CSMD1: variants seen among roughly 807,000 people sequenced by gnomAD.
CSMD1 encodes the protein CUB and Sushi multiple domains 1.
Under a neutral mutation model 417.5 loss-of-function variants are expected in CSMD1, and 213 were observed. The ratio of observed to expected loss-of-function variants is 0.51; its 90% CI spans 0.46 to 0.57. The LOEUF is 0.57. CSMD1 is among the 20% of genes least tolerant of loss of function. The pLI is 0.00. For missense variants in CSMD1, 6,923 were observed against 4,529.7 expected (o/e 1.53, Z -15.17); for synonymous variants, 2,862 against 1,736.8 (o/e 1.65, Z -16.11).
At chr8:4,843,163 T>G (rs1258520525) in intron 1 of CSMD1, among the ~76,000 whole-genome samples, 2 of 152,192 alleles carry the variant, frequency 1.3e-5, no homozygotes, top group Non-Finnish European at 2.9e-5. Flanking sequence ...CCAGTCTTCT[T>G]CCTGGGCAGG....
At chr8:4,805,917 T>A (rs1372215421) in intron 1 of CSMD1, among the ~76,000 whole-genome samples, 1 of 152,172 alleles carries the variant, frequency 6.6e-6, no homozygotes, top group African/African-American at 2.4e-5. Flanking sequence ...CGATGGCTTG[T>A]GGACCTCAGA....
At chr8:3,182,913 G>A (rs1170500564) in intron 36 of CSMD1, 1 of 57,282 alleles carries the variant, frequency 1.7e-5, no homozygotes. Context: ...TAGTAGAGAA[G>A]GGGTTGTTAG....
chr8:3,506,207 T>G (rs1462504192), intron 10 of CSMD1, among the ~76,000 whole-genome samples: 2 of 152,114 alleles, frequency 1.3e-5, no homozygotes, highest in African/African-American at 4.8e-5. Flanking sequence ...GGACGAGCTG[T>G]CAGGGAGACG....
intron 5 of CSMD1, among the ~76,000 whole-genome samples, chr8:3,868,481 C>G (rs1430948099): frequency 6.6e-6 from 1 of 152,094 alleles, no homozygotes; most frequent in Admixed American, 6.5e-5. Flanking sequence ...AAGGGGCTCT[C>G]TCATTCAACA....
intron 5 of CSMD1, among the ~76,000 whole-genome samples, chr8:3,914,713 G>C (rs770560829): frequency 6.6e-6 from 1 of 151,960 alleles, no homozygotes; most frequent in Non-Finnish European, 1.5e-5. Context: ...TTTATTTTTT[G>C]ACTATCCCTT....
chr8:3,158,089 A>T (rs1819646803), intron 38 of CSMD1, 123 bp from the exon 39 acceptor site: 2 of 786,480 alleles, frequency 2.5e-6, no homozygotes, highest in Non-Finnish European at 2.0e-6. Context: ...GAAAATTCAA[A>T]AATTGTGAAA....
At chr8:3,498,860 T>C (rs369838097) in intron 10 of CSMD1, among the ~76,000 whole-genome samples, 1 of 152,224 alleles carries the variant, frequency 6.6e-6, no homozygotes, top group East Asian at 1.9e-4. Flanking sequence ...TTTTGTGTAA[T>C]ATCTCTGTTG....
chr8:4,408,193 T>G (rs528696335), intron 3 of CSMD1, among the ~76,000 whole-genome samples: 1 of 152,364 alleles, frequency 6.6e-6, no homozygotes, highest in African/African-American at 2.4e-5. Context: ...CAAATCAGTG[T>G]TGCAAGTTGA....
intron 11 of CSMD1, among the ~76,000 whole-genome samples, chr8:3,476,515 A>G (rs1037981475): frequency 2.0e-5 from 3 of 152,186 alleles, no homozygotes; most frequent in African/African-American, 4.8e-5. Flanking sequence ...CTACCAACCT[A>G]TCTTCCAGAA....
At chr8:4,230,961 A>T (rs1484167835) in intron 3 of CSMD1, among the ~76,000 whole-genome samples, 1 of 152,082 alleles carries the variant, frequency 6.6e-6, no homozygotes, top group East Asian at 1.9e-4. Context: ...ATGTGCTTAG[A>T]TTATTTCATT....
intron 3 of CSMD1, among the ~76,000 whole-genome samples, chr8:4,066,775 C>A (rs74539914): frequency 5.9e-5 from 9 of 152,094 alleles, no homozygotes; most frequent in African/African-American, 1.9e-4. Flanking sequence ...CGGAAAGGGG[C>A]GAGAAACGAA....
intron 3 of CSMD1, among the ~76,000 whole-genome samples, chr8:4,048,044 T>A (rs180809151): frequency 6.6e-6 from 1 of 152,188 alleles, no homozygotes; most frequent in African/African-American, 2.4e-5. Flanking sequence ...AAATGACATG[T>A]AGAATTCATT....
chr8:4,791,552 G>C (rs1003156732), intron 1 of CSMD1, among the ~76,000 whole-genome samples: 3 of 152,258 alleles, frequency 2.0e-5, no homozygotes, highest in South Asian at 4.1e-4. Flanking sequence ...AAAATGTTTT[G>C]TCTCTTTTTG....
intron 3 of CSMD1, among the ~76,000 whole-genome samples, chr8:4,088,828 C>A (rs1448521123): frequency 1.3e-5 from 2 of 152,142 alleles, no homozygotes; most frequent in East Asian, 1.9e-4. Flanking sequence ...ACTCATCCCT[C>A]CCTCTGGAAT....
chr8:4,142,608 G>C lies in CSMD1; in HGVS notation c.416-110509C>G, dbSNP rs146647151. 1.3e-3 allele frequency among the ~76,000 whole-genome samples: 192 copies of C among 151,178 alleles called. 13 individuals carry two copies. Among genetic ancestry groups the C allele is most frequent in the African/African-American group, 4.5e-3 (182 of 40,522 alleles). On this transcript the variant is annotated intron_variant, in intron 3 of 69. Transcript: ENST00000635120. ...CACGTTTTTTTCAATTGCTAGCTTA[G>C]CAGCACTGGCTCTGTATTTAATTGC...
In CSMD1 at chr8:3,478,881, G is replaced by A. The variant is rs542621594; in HGVS notation, c.1449-10057C>T. ...ATGATCTCACCTGGGGAGGCCCTTCGTCCCAGTAGGTGTGAGACTGAGTCT... is the reference window on the plus strand; with the variant it reads ...ATGATCTCACCTGGGGAGGCCCTTCATCCCAGTAGGTGTGAGACTGAGTCT... On this transcript the variant is annotated intron_variant, in intron 11 of 69. Transcript: ENST00000635120. Among the ~76,000 whole-genome samples, 29 of 152,226 alleles carry A rather than the reference G, an allele frequency of 1.9e-4. 1 individual carries two copies. In the South Asian group the frequency reaches 5.4e-3, roughly 28 times the overall value.
chr8:4,269,608 T>G (rs531031071), intron 3 of CSMD1, among the ~76,000 whole-genome samples: 1 of 152,204 alleles, frequency 6.6e-6, no homozygotes, highest in Non-Finnish European at 1.5e-5. Flanking sequence ...CAGTTTAACC[T>G]CATTTTTTAT....
chr8:3,388,016 A>G (rs1253702758), intron 17 of CSMD1, among the ~76,000 whole-genome samples: 1 of 152,148 alleles, frequency 6.6e-6, no homozygotes. Context: ...CCTGTTTTCT[A>G]TTTTTCACCA....
intron 1 of CSMD1, among the ~76,000 whole-genome samples, chr8:4,794,307 TAA>T (rs1002308282): frequency 2.0e-4 from 31 of 152,226 alleles, no homozygotes; most frequent in African/African-American, 7.2e-4. Context: ...CAATTTTTGT[TAA>T]AAGAAGGTCT....
Sources: allele counts gnomAD v4.1 joint callset (sites outside exome capture counted in the v4.1 genomes callset), GRCh38; gene constraint gnomAD v4.1.1; transcripts MANE v1.5; gene names NCBI Gene and HGNC (gene_info 2026-07-23, HGNC 2026-07-21).